CMSS1: variants seen among roughly 807,000 people sequenced by gnomAD.
CMSS1 encodes the protein cms1 ribosomal small subunit homolog.
CMSS1 carries 33 observed loss-of-function variants against 43.5 expected under a neutral mutation model. That is an observed-to-expected ratio of 0.76 (90% confidence interval 0.57 to 1.01). The LOEUF (loss-of-function observed/expected upper bound fraction) is 1.01, where lower values mean the gene tolerates loss of function less well. Ranked by LOEUF, CMSS1 falls within the 50% of genes least tolerant of loss-of-function variation. CMSS1 has a pLI of 0.00. For synonymous variants in CMSS1, 115 were observed against 117.2 expected (o/e 0.98, Z 0.12); for missense variants, 313 against 326.4 (o/e 0.96, Z 0.32).
chr3:99,896,680 T>C (rs900146919), intron 1 of CMSS1, among the ~76,000 whole-genome samples: 1 of 152,234 alleles, frequency 6.6e-6, no homozygotes, highest in African/African-American at 2.4e-5. Flanking sequence ...TAAATTATAA[T>C]TCTACAATGA....
intron 1 of CMSS1, among the ~76,000 whole-genome samples, chr3:99,916,771 C>G (rs903352267): frequency 6.6e-6 from 1 of 152,174 alleles, no homozygotes; most frequent in African/African-American, 2.4e-5. Flanking sequence ...ATGCTTTTAA[C>G]TCTGATACCC....
intron 1 of CMSS1, among the ~76,000 whole-genome samples, chr3:99,818,366 T>A (rs1028005240): frequency 6.6e-6 from 1 of 152,222 alleles, no homozygotes; most frequent in African/African-American, 2.4e-5. Context: ...ACCCATGAAC[T>A]GCTTTCAATT....
At chr3:100,109,011 G>A (rs1178534182) in intron 1 of CMSS1, among the ~76,000 whole-genome samples, 1 of 151,566 alleles carries the variant, frequency 6.6e-6, no homozygotes, top group Non-Finnish European at 1.5e-5. Context: ...TTTCAATGCA[G>A]TTTGACAGTC....
chr3:100,084,548 T>G (rs1174169998), intron 1 of CMSS1, among the ~76,000 whole-genome samples: 1 of 152,196 alleles, frequency 6.6e-6, no homozygotes, highest in Non-Finnish European at 1.5e-5. Flanking sequence ...CAATACAGTG[T>G]TATGGGAAGT....
At chr3:99,838,910 T>C (rs1029316374) in intron 1 of CMSS1, among the ~76,000 whole-genome samples, 1 of 152,220 alleles carries the variant, frequency 6.6e-6, no homozygotes, top group African/African-American at 2.4e-5. Flanking sequence ...GACTCCCTAG[T>C]GCTGTATTCA....
At chr3:99,902,903 A>T (rs1706482616) in intron 1 of CMSS1, among the ~76,000 whole-genome samples, 6 of 152,232 alleles carry the variant, frequency 3.9e-5, no homozygotes. Context: ...AAAGTGATTT[A>T]TTTAAAGCAA....
At chr3:99,962,921 C>T (rs1708537046) in intron 1 of CMSS1, among the ~76,000 whole-genome samples, 1 of 152,146 alleles carries the variant, frequency 6.6e-6, no homozygotes, top group Non-Finnish European at 1.5e-5. Flanking sequence ...ATGTTCATGG[C>T]CGAGATAAAT....
At chr3:100,087,048 G>T (rs753909725) in intron 1 of CMSS1, among the ~76,000 whole-genome samples, 1 of 152,186 alleles carries the variant, frequency 6.6e-6, no homozygotes, top group Non-Finnish European at 1.5e-5. Flanking sequence ...CCTTTTTGCT[G>T]CTGTTTAATG....
intron 1 of CMSS1, among the ~76,000 whole-genome samples, chr3:99,868,688 T>G (rs1482655410): frequency 6.6e-6 from 1 of 152,214 alleles, no homozygotes; most frequent in Non-Finnish European, 1.5e-5. Flanking sequence ...ATTTGTCTTT[T>G]AACCTCAGGT....
intron 1 of CMSS1, among the ~76,000 whole-genome samples, chr3:99,993,270 A>G (rs778792310): frequency 1.1e-4 from 16 of 152,142 alleles, no homozygotes; most frequent in Admixed American, 3.9e-4. Context: ...TGATTCTTCA[A>G]TCTATGAGCA....
chr3:99,971,680 T>A (rs906720869), intron 1 of CMSS1, among the ~76,000 whole-genome samples: 3 of 152,200 alleles, frequency 2.0e-5, no homozygotes, highest in Non-Finnish European at 4.4e-5. Flanking sequence ...CCTGCTTTCA[T>A]CAGGACCTCA....
chr3:99,989,360 A>G (rs1370969137), intron 1 of CMSS1, among the ~76,000 whole-genome samples: 1 of 152,172 alleles, frequency 6.6e-6, no homozygotes. Context: ...AGAGTGAGGA[A>G]ACAGGAAAAT....
intron 1 of CMSS1, among the ~76,000 whole-genome samples, chr3:99,834,707 C>T (rs1942826037): frequency 6.6e-6 from 1 of 152,106 alleles, no homozygotes; most frequent in Non-Finnish European, 1.5e-5. Context: ...TCTTCATTTG[C>T]ACCCACTTAA....
intron 1 of CMSS1, among the ~76,000 whole-genome samples, chr3:100,032,690 T>A (rs1176201719): frequency 6.6e-6 from 1 of 152,230 alleles, no homozygotes; most frequent in Non-Finnish European, 1.5e-5. Flanking sequence ...AAACATTTTT[T>A]AAAATAGTAT....
chr3:100,049,198 TA>T (rs2065328629), intron 1 of CMSS1, among the ~76,000 whole-genome samples: 1 of 152,234 alleles, frequency 6.6e-6, no homozygotes, highest in Non-Finnish European at 1.5e-5. Flanking sequence ...ATATCTTCTC[TA>T]CATTATAGAA....
intron 1 of CMSS1, among the ~76,000 whole-genome samples, chr3:100,033,743 T>C (rs1316520106): frequency 1.3e-5 from 2 of 152,258 alleles, no homozygotes; most frequent in African/African-American, 2.4e-5. Context: ...ATTGAAAATA[T>C]GTGGTGACTC....
At chr3:100,042,673 G>A (rs1285967619) in intron 1 of CMSS1, among the ~76,000 whole-genome samples, 2 of 152,178 alleles carry the variant, frequency 1.3e-5, no homozygotes, top group Admixed American at 6.5e-5. Context: ...GCCTTTTATG[G>A]AGAACATGAG....
chr3:99,828,591 C>T (rs985192365), intron 1 of CMSS1, among the ~76,000 whole-genome samples: 5 of 151,022 alleles, frequency 3.3e-5, no homozygotes, highest in African/African-American at 4.9e-5. Flanking sequence ...GCTAGGACTA[C>T]AGGTGTGCAC....
In CMSS1 at chr3:99,959,991, G is replaced by A. The variant is rs114735395; in HGVS notation, c.64+141948G>A. ...GAAAAAAAGATGGGAGTTAGGCCTAGCTGTTCCTTTCACCTTTCCTCCTTT... is the reference window on the plus strand; with the variant it reads ...GAAAAAAAGATGGGAGTTAGGCCTAACTGTTCCTTTCACCTTTCCTCCTTT... On this transcript the variant is annotated intron_variant, in intron 1 of 9. Transcript: ENST00000421999. Among the ~76,000 whole-genome samples the A allele has an allele frequency of 4.5e-3, 687 of 152,262 alleles. 7 individuals are homozygous for A. Among genetic ancestry groups the A allele is most frequent in the African/African-American group, 0.016 (670 of 41,556 alleles).
Sources: allele counts gnomAD v4.1 joint callset (sites outside exome capture counted in the v4.1 genomes callset), GRCh38; gene constraint gnomAD v4.1.1; transcripts MANE v1.5; gene names NCBI Gene and HGNC (gene_info 2026-07-23, HGNC 2026-07-21).